The following ELP4 variants were observed in gnomAD, a reference collection of about 807,000 sequenced individuals.
ELP4 encodes elongator complex protein 4.
Under a neutral mutation model 48.9 loss-of-function variants are expected in ELP4, and 51 were observed. That is an observed-to-expected ratio of 1.04 (90% CI 0.83 to 1.32). The LOEUF is 1.32. ELP4 is among the 40% of genes most tolerant of loss of function. The pLI is 0.00. For synonymous variants in ELP4, 210 were observed against 189.2 expected (o/e 1.11, Z -0.90); for missense variants, 519 against 514.6 (o/e 1.01, Z -0.08).
At chr11:31,614,103 C>T (rs1024173153) in intron 5 of ELP4, among the ~76,000 whole-genome samples, 1 of 152,076 alleles carries the variant, frequency 6.6e-6, no homozygotes, top group Non-Finnish European at 1.5e-5. Context: ...TACCTTATAT[C>T]TCACATCATA....
chr11:31,556,833 T>C (rs1217288105), intron 3 of ELP4, among the ~76,000 whole-genome samples: 1 of 151,876 alleles, frequency 6.6e-6, no homozygotes, highest in Non-Finnish European at 1.5e-5. Context: ...GTTGTGTTTT[T>C]AAAATTTTAC....
At chr11:31,634,690 A>T (rs144000681) in intron 7 of ELP4, among the ~76,000 whole-genome samples, 1 of 152,032 alleles carries the variant, frequency 6.6e-6, no homozygotes, top group African/African-American at 2.4e-5. Context: ...ACCTGAAACA[A>T]TATTTTAACT....
intron 7 of ELP4, chr11:31,632,938 T>C (rs1192669384): frequency 2.0e-5 from 3 of 152,298 alleles, no homozygotes; most frequent in East Asian, 3.9e-4. Flanking sequence ...AATATTAGTA[T>C]AGTTAAGTAC....
At chr11:31,733,184 A>G (rs1408415928) in intron 9 of ELP4, among the ~76,000 whole-genome samples, 1 of 152,202 alleles carries the variant, frequency 6.6e-6, no homozygotes, top group Non-Finnish European at 1.5e-5. Flanking sequence ...TAACAAATTT[A>G]AGAAGATTAA....
At chr11:31,601,487 A>G (rs1305449409) in intron 4 of ELP4, among the ~76,000 whole-genome samples, 1 of 152,086 alleles carries the variant, frequency 6.6e-6, no homozygotes, top group Non-Finnish European at 1.5e-5. Flanking sequence ...CATTTTAATG[A>G]ATTATTTGTG....
intron 1 of ELP4, chr11:31,511,537 A>G (rs1038095238): frequency 6.6e-6 from 1 of 152,184 alleles, no homozygotes; most frequent in Non-Finnish European, 1.5e-5. Context: ...AAATTATGAA[A>G]CATGTAGAAT....
intron 9 of ELP4, among the ~76,000 whole-genome samples, chr11:31,671,377 T>C (rs1277514223): frequency 6.6e-6 from 1 of 152,172 alleles, no homozygotes; most frequent in African/African-American, 2.4e-5. Flanking sequence ...TTAGAAAGTA[T>C]TTAAGGTTTG....
At chr11:31,675,364 A>C (rs1211297506) in intron 9 of ELP4, among the ~76,000 whole-genome samples, 1 of 151,892 alleles carries the variant, frequency 6.6e-6, no homozygotes, top group African/African-American at 2.4e-5. Flanking sequence ...TCCCAGGTTC[A>C]AGCAATTCTC....
At chr11:31,624,082 G>T (rs1944687240) in intron 5 of ELP4, among the ~76,000 whole-genome samples, 1 of 151,684 alleles carries the variant, frequency 6.6e-6, no homozygotes, top group South Asian at 2.1e-4. Flanking sequence ...TGGACAAAAA[G>T]GAACCCTTGT....
rs573674757 is a variant in ELP4, at chr11:31,710,580, G to A, written c.1143+60359G>A. On this transcript the variant is annotated intron_variant, in intron 9 of 9. Transcript: ENST00000640961. ...GCAGAGGTTGCAGTGAGTCCAGATCGTGCCACTGCACTCTGGCCTAGGTGA... is the reference window on the plus strand; with the variant it reads ...GCAGAGGTTGCAGTGAGTCCAGATCATGCCACTGCACTCTGGCCTAGGTGA... Among the ~76,000 whole-genome samples, 8 of 151,208 alleles carry A rather than the reference G, an allele frequency of 5.3e-5. No homozygotes were observed. The South Asian group carries it at 1.5e-3, about 28-fold the overall frequency.
intron 9 of ELP4, among the ~76,000 whole-genome samples, chr11:31,750,567 C>T (rs1391534725): frequency 6.6e-6 from 1 of 152,026 alleles, no homozygotes; most frequent in Non-Finnish European, 1.5e-5. Flanking sequence ...ACATGTTGTC[C>T]TTGTACTGTT....
intron 9 of ELP4, among the ~76,000 whole-genome samples, chr11:31,670,219 C>A (rs763112027): frequency 2.6e-5 from 4 of 152,030 alleles, no homozygotes; most frequent in Non-Finnish European, 5.9e-5. Context: ...GTATGGATAC[C>A]TATCAGGATG....
intron 9 of ELP4, 137 bp from the exon 10 acceptor site, chr11:31,783,256 T>C (rs1948421122): frequency 1.4e-6 from 1 of 705,356 alleles, no homozygotes; most frequent in Non-Finnish European, 2.3e-6. Context: ...AGAATTGTTT[T>C]AGCAGGAATT....
intron 9 of ELP4, among the ~76,000 whole-genome samples, chr11:31,686,920 G>A (rs1946173817): frequency 6.6e-6 from 1 of 151,978 alleles, no homozygotes; most frequent in East Asian, 1.9e-4. Flanking sequence ...TGGAGTGGGG[G>A]TGGGGTGGGG....
At chr11:31,517,740 C>T (rs1322491370) in intron 1 of ELP4, among the ~76,000 whole-genome samples, 3 of 152,000 alleles carry the variant, frequency 2.0e-5, no homozygotes, top group Non-Finnish European at 4.4e-5. Flanking sequence ...CCTCAGCCTC[C>T]CAAGTAGCTG....
intron 7 of ELP4, among the ~76,000 whole-genome samples, chr11:31,634,778 AAG>A (rs1554966235): frequency 6.6e-6 from 1 of 152,086 alleles, no homozygotes; most frequent in African/African-American, 2.4e-5. Flanking sequence ...CATAGCAGTA[AAG>A]AGACTTCTTT....
intron 5 of ELP4, among the ~76,000 whole-genome samples, chr11:31,617,867 T>G (rs909828490): frequency 6.6e-6 from 1 of 152,088 alleles, no homozygotes; most frequent in Non-Finnish European, 1.5e-5. Context: ...CATACATAGC[T>G]GATGAGAACA....
intron 9 of ELP4, among the ~76,000 whole-genome samples, chr11:31,779,134 G>T (rs945573254): frequency 1.3e-5 from 2 of 152,176 alleles, no homozygotes; most frequent in Admixed American, 1.3e-4. Context: ...TTCAGGAAAT[G>T]TCAGAAATTT....
chr11:31,561,128 C>T (rs188156480), intron 3 of ELP4, among the ~76,000 whole-genome samples: 171 of 152,280 alleles, frequency 1.1e-3, no homozygotes, highest in Non-Finnish European at 1.8e-3. Context: ...TACACACACA[C>T]TGAAGTTTAC....
Sources: gnomAD v4.1 joint callset for allele counts (sites outside exome capture counted in the v4.1 genomes callset) on GRCh38, gnomAD v4.1.1 for gene constraint, MANE v1.5 for transcripts, NCBI Gene and HGNC (gene_info 2026-07-23, HGNC 2026-07-21) for gene names.